LHFPL3: variants seen among roughly 807,000 people sequenced by gnomAD.
LHFPL3 encodes LHFPL tetraspan subfamily member 3.
LHFPL3 carries 5 observed loss-of-function variants against 19.3 expected under a neutral mutation model. The observed-to-expected ratio is 0.26, with a 90% CI of 0.14 to 0.54. The LOEUF is 0.54. Among genes scored for constraint, LHFPL3 ranks in the 20% least tolerant of loss-of-function variants. The probability of loss-of-function intolerance (pLI) is 0.94; values close to 1 mark genes in which losing one functional copy is unlikely to be tolerated. For missense variants in LHFPL3, 249 were observed against 307.4 expected, an observed-to-expected ratio of 0.81 and a Z score of 1.42; for synonymous variants, 133 against 126.2, an observed-to-expected ratio of 1.05 and a Z score of -0.36.
At chr7:104,757,139 A>T (rs1220674704) in intron 2 of LHFPL3, among the ~76,000 whole-genome samples, 1 of 152,222 alleles carries the variant, frequency 6.6e-6, no homozygotes, top group Admixed American at 6.5e-5. Context: ...TAGTGCTGGG[A>T]TAGCTGGCTA....
At chr7:104,721,312 C>A (rs770776129) in intron 1 of LHFPL3, among the ~76,000 whole-genome samples, 61 of 152,284 alleles carry the variant, frequency 4.0e-4, no homozygotes, top group Middle Eastern at 3.4e-3. Context: ...ACCGCATGCT[C>A]TCCCTCATAG....
rs114494006 is a variant in LHFPL3 at position 104,440,188 on chromosome 7, A to G, written c.445+110964A>G. Among the ~76,000 whole-genome samples the G allele has an allele frequency of 2.7e-3, 407 of 151,258 alleles. 1 individual carries two copies. The highest frequency in any genetic ancestry group is 9.3e-3 in the African/African-American group (384 of 41,230). On this transcript the variant is annotated intron_variant, in intron 1 of 2. Coordinates refer to ENST00000424859, the MANE Select transcript of LHFPL3 (RefSeq NM_199000.3). ...AACTTAAAGTATAATAATAATAAAA[A>G]AATACAAAGCCATACACATGTACAC...
intron 1 of LHFPL3, among the ~76,000 whole-genome samples, chr7:104,503,031 T>G (rs1052133910): frequency 1.3e-5 from 2 of 152,128 alleles, no homozygotes; most frequent in African/African-American, 4.8e-5. Context: ...AATTTATTTC[T>G]AGAAACTTAT....
chr7:104,612,776 G>C (rs1791235579), intron 1 of LHFPL3, among the ~76,000 whole-genome samples: 1 of 152,148 alleles, frequency 6.6e-6, no homozygotes, highest in African/African-American at 2.4e-5. Flanking sequence ...TGCTTAGAGG[G>C]ACTGACATTT....
At chr7:104,617,049 G>A (rs1297326920) in intron 1 of LHFPL3, among the ~76,000 whole-genome samples, 1 of 152,122 alleles carries the variant, frequency 6.6e-6, no homozygotes, top group Non-Finnish European at 1.5e-5. Flanking sequence ...TTACACTGTT[G>A]GTGGAAGTGT....
chr7:104,646,849 C>T (rs979547598), intron 1 of LHFPL3, among the ~76,000 whole-genome samples: 2 of 152,204 alleles, frequency 1.3e-5, no homozygotes, highest in Admixed American at 1.3e-4. Flanking sequence ...TTTTGAATAC[C>T]AGATTCTGGG....
chr7:104,595,682 G>A (rs1480480988), intron 1 of LHFPL3, among the ~76,000 whole-genome samples: 1 of 152,272 alleles, frequency 6.6e-6, no homozygotes, highest in Non-Finnish European at 1.5e-5. Flanking sequence ...GGAGTCTAGA[G>A]GCAGTAGGCC....
chr7:104,544,635 T>C (rs1424893835), intron 1 of LHFPL3, among the ~76,000 whole-genome samples: 3 of 152,168 alleles, frequency 2.0e-5, no homozygotes, highest in Admixed American at 6.5e-5. Flanking sequence ...TTCCCTAAGA[T>C]AGAAAGAGTC....
rs541944832 is a variant in LHFPL3, at chr7:104,648,926, T to G, written c.446-87749T>G. ...TTATTCTGCTGCATTTGCCATGTTC[T>G]GTCCGCCATCCAACACAAACCATAG... On this transcript the variant is annotated intron_variant, in intron 1 of 2. Transcript: ENST00000424859. Among the ~76,000 whole-genome samples the G allele has an allele frequency of 5.3e-5, 8 of 152,370 alleles. No individual in the cohort carries two copies. The South Asian group carries it at 1.7e-3, about 32-fold the overall frequency.
At chr7:104,611,355 A>G (rs1791210305) in intron 1 of LHFPL3, among the ~76,000 whole-genome samples, 1 of 152,210 alleles carries the variant, frequency 6.6e-6, no homozygotes, top group South Asian at 2.1e-4. Context: ...TGGAGTTCCA[A>G]CCTTCCTATT....
chr7:104,454,220 G>T (rs1462845934), intron 1 of LHFPL3, among the ~76,000 whole-genome samples: 1 of 152,148 alleles, frequency 6.6e-6, no homozygotes, highest in African/African-American at 2.4e-5. Flanking sequence ...CAAAAGACTA[G>T]AATTGGTGTT....
intron 1 of LHFPL3, among the ~76,000 whole-genome samples, chr7:104,707,806 A>G (rs1245916525): frequency 6.6e-6 from 1 of 152,216 alleles, no homozygotes; most frequent in African/African-American, 2.4e-5. Context: ...TGCAGGAAGG[A>G]GGATGCATTA....
At chr7:104,375,182 T>C (rs1288663793) in intron 1 of LHFPL3, among the ~76,000 whole-genome samples, 2 of 151,860 alleles carry the variant, frequency 1.3e-5, no homozygotes, top group African/African-American at 4.8e-5. Context: ...CTACTGAAAA[T>C]ACAAAAATTA....
At chr7:104,504,225 C>G (rs1325651220) in intron 1 of LHFPL3, among the ~76,000 whole-genome samples, 2 of 152,174 alleles carry the variant, frequency 1.3e-5, no homozygotes, top group Non-Finnish European at 2.9e-5. Context: ...ATGACTTAGG[C>G]AAACTACAAT....
chr7:104,374,208 A>ATGTGTGTGTGTGTG lies in LHFPL3; in HGVS notation c.445+45004_445+45017dup, dbSNP rs1006955104. On this transcript the variant is annotated intron_variant, in intron 1 of 2. Transcript: ENST00000424859. ...CTATTATCTATCTATCTATCTATATATGTGTGTGTGTGTGTGTGTGTGTGT... is the reference window on the plus strand; with the variant it reads ...CTATTATCTATCTATCTATCTATATATGTGTGTGTGTGTGTGTGTGTGTGTGTGTGTGTGTGTGT... 4.1e-5 allele frequency among the ~76,000 whole-genome samples: 6 copies of ATGTGTGTGTGTGTG among 147,154 alleles called. No homozygotes were observed. In the East Asian group the frequency reaches 9.9e-4, roughly 24 times the overall value.
At chr7:104,825,200 CCAAA>C (rs1338379200) in intron 2 of LHFPL3, among the ~76,000 whole-genome samples, 1 of 151,578 alleles carries the variant, frequency 6.6e-6, no homozygotes. Context: ...TCAGAAGGAT[CCAAA>C]CAAATGATCA....
intron 2 of LHFPL3, among the ~76,000 whole-genome samples, chr7:104,740,452 A>T (rs1793912594): frequency 6.6e-6 from 1 of 152,142 alleles, no homozygotes; most frequent in African/African-American, 2.4e-5. Flanking sequence ...ATGCAGCAAC[A>T]CACTTCCCCA....
At chr7:104,591,797 G>T (rs1057234406) in intron 1 of LHFPL3, among the ~76,000 whole-genome samples, 2 of 152,090 alleles carry the variant, frequency 1.3e-5, no homozygotes, top group African/African-American at 4.8e-5. Flanking sequence ...CATATTTCTT[G>T]GAGGCTTTGC....
intron 1 of LHFPL3, among the ~76,000 whole-genome samples, chr7:104,594,326 G>A (rs1392370867): frequency 2.0e-5 from 3 of 152,156 alleles, no homozygotes; most frequent in Admixed American, 6.5e-5. Context: ...GAAATTCTGG[G>A]TTGAAAATTC....
Sources: allele counts gnomAD v4.1 joint callset (sites outside exome capture counted in the v4.1 genomes callset), GRCh38; gene constraint gnomAD v4.1.1; transcripts MANE v1.5; gene names NCBI Gene and HGNC (gene_info 2026-07-23, HGNC 2026-07-21).